The following PIK3R3 variants were observed in gnomAD, a reference collection of about 807,000 sequenced individuals.
PIK3R3 encodes phosphoinositide-3-kinase regulatory subunit 3.
Under a neutral mutation model 62.9 loss-of-function variants are expected in PIK3R3, and 64 were observed. The observed-to-expected ratio is 1.02, with a 90% confidence interval of 0.83 to 1.25. The LOEUF (loss-of-function observed/expected upper bound fraction) is 1.25. Among genes scored for constraint, PIK3R3 ranks in the 50% most tolerant of loss-of-function variants. The probability of loss-of-function intolerance (pLI) is 0.00; values close to 1 mark genes in which losing one functional copy is unlikely to be tolerated. For missense variants in PIK3R3, 614 were observed against 561.6 expected, an observed-to-expected ratio of 1.09 and a Z score of -0.94; for synonymous variants, 165 against 189.0, an observed-to-expected ratio of 0.87 and a Z score of 1.04.
At chr1:46,109,704 G>A (rs776274859) in intron 1 of PIK3R3, among the ~76,000 whole-genome samples, 4 of 151,922 alleles carry the variant, frequency 2.6e-5, no homozygotes, top group Non-Finnish European at 5.9e-5. Context: ...GGCTGGTCTC[G>A]AACTTCTGAC....
chr1:46,054,987 C>G lies in PIK3R3; in HGVS notation c.941+808G>C, dbSNP rs185373399. Among the ~76,000 whole-genome samples the G allele has an allele frequency of 6.7e-3, 1,015 of 152,276 alleles. 11 individuals are homozygous for G. The highest frequency in any genetic ancestry group is 0.024 in the African/African-American group (980 of 41,556). On this transcript the variant is annotated intron_variant, in intron 7 of 9. Transcript: ENST00000262741. ...GCACGATCTCGGCTCACTGCAACCTCTGCCTCCCAGGTTCAAGCGATTCTC... is the reference window on the plus strand; with the variant it reads ...GCACGATCTCGGCTCACTGCAACCTGTGCCTCCCAGGTTCAAGCGATTCTC...
Position 46,132,121 on chromosome 1 carries a change from CCT to C in PIK3R3, c.-171_-170del. 2.1e-6 allele frequency: 3 copies of C among 1,409,144 alleles called. No homozygotes were observed. The highest frequency in any genetic ancestry group is 2.7e-5 in the East Asian group (1 of 37,282). 87.3% of individuals were successfully genotyped at this position (1,409,144 alleles called of 1,614,324 possible). A position where few individuals can be genotyped will look rare whatever the true frequency, so the allele number is the denominator to read the frequency against. On this transcript the variant is annotated 5_prime_UTR_variant, in exon 1 of 10. Transcript: ENST00000262741. ...CAAACTACCCGAACAGGGTCCTCCC[CCT>C]CTCTCCTACAGAACACAACAAAATG... is the stretch of plus-strand genomic sequence containing the variant.
At chr1:46,132,727 G>C, upstream of PIK3R3, 1 of 1,288,638 alleles carries the variant, frequency 7.8e-7, no homozygotes, top group Non-Finnish European at 1.0e-6. Context: ...ACCGCGCCGG[G>C]AGGGGGGACA....
At chr1:46,140,741 A>G in the PIK3R3 span, among the ~76,000 whole-genome samples, 3 of 152,256 alleles carry the variant, frequency 2.0e-5, no homozygotes, top group African/African-American at 7.2e-5. Context: ...TCTCCTTCAG[A>G]GCCTCAGAAG....
At chr1:46,079,805 CT>C (rs1193227926) in intron 2 of PIK3R3, among the ~76,000 whole-genome samples, 1 of 151,750 alleles carries the variant, frequency 6.6e-6, no homozygotes, top group Non-Finnish European at 1.5e-5. Flanking sequence ...AATACAAAAA[CT>C]AGCAGGGTAT....
chr1:46,091,067 T>A (rs944241714), intron 1 of PIK3R3, among the ~76,000 whole-genome samples: 1 of 151,978 alleles, frequency 6.6e-6, no homozygotes, highest in Admixed American at 6.6e-5. Context: ...TGGGTTCAAG[T>A]CATCTTCTCG....
chr1:46,111,428 G>C (rs922198607), intron 1 of PIK3R3, among the ~76,000 whole-genome samples: 2 of 151,930 alleles, frequency 1.3e-5, no homozygotes, highest in African/African-American at 4.8e-5. Flanking sequence ...AATATAATTA[G>C]AAAAGGGCAT....
chr1:46,143,051 A>T, the PIK3R3 span, among the ~76,000 whole-genome samples: 1 of 152,242 alleles, frequency 6.6e-6, no homozygotes, highest in African/African-American at 2.4e-5. Context: ...AGGCCACACT[A>T]AATGAGTGAT....
rs1428553653 is a variant in PIK3R3 at position 46,040,404 on chromosome 1, C to T, written c.*3269G>A. The T allele has an allele frequency of 8.7e-6, 2 of 230,606 alleles. No individual in the cohort carries two copies. The highest frequency in any genetic ancestry group is 1.2e-4 in the East Asian group (2 of 16,272). The allele number at this position is 230,606 out of a possible 1,614,324, so 14.3% of individuals were successfully genotyped here. A position where few individuals can be genotyped will look rare whatever the true frequency, so the allele number is the denominator to read the frequency against. On this transcript the variant is annotated 3_prime_UTR_variant, in exon 10 of 10. Transcript: ENST00000262741. ...GTCAGATATTTTTACGTAAACTACACGAATTTTCTTGGACACATCAAAGAC... is the reference window on the plus strand; with the variant it reads ...GTCAGATATTTTTACGTAAACTACATGAATTTTCTTGGACACATCAAAGAC...
At chr1:46,080,609 A>C (rs1410703408) in intron 2 of PIK3R3, 33 bp downstream of exon 2, 2 of 1,394,520 alleles carry the variant, frequency 1.4e-6, no homozygotes, top group African/African-American at 2.9e-5. Flanking sequence ...CTTTTTAAAA[A>C]ACTGCATTCA....
the PIK3R3 span, among the ~76,000 whole-genome samples, chr1:46,158,326 G>T: frequency 1.3e-5 from 2 of 152,128 alleles, no homozygotes; most frequent in African/African-American, 4.8e-5. Flanking sequence ...AACATACCAT[G>T]CTTGTACTCT....
chr1:46,134,180 G>C (rs985341188), upstream of PIK3R3, among the ~76,000 whole-genome samples: 3 of 152,158 alleles, frequency 2.0e-5, no homozygotes, highest in Non-Finnish European at 4.4e-5. Context: ...TTGTGTTTGA[G>C]TTGACAGCCT....
At chr1:46,084,124 C>A (rs140781601) in intron 1 of PIK3R3, among the ~76,000 whole-genome samples, 1 of 152,036 alleles carries the variant, frequency 6.6e-6, no homozygotes, top group African/African-American at 2.4e-5. Flanking sequence ...ACAACATGGA[C>A]GAATCTGAAA....
rs752061233 is a variant in PIK3R3 at position 46,062,060 on chromosome 1, CATCTGT to C, written c.627_632del (p.Ile209_Gln210del). On this transcript the variant is annotated inframe_deletion, in exon 6 of 10. Transcript: ENST00000262741. Reference sequence around the variant, plus strand: ...TAAAAGCTTCTATTGCAGTCCTCTTCATCTGTATTTCCTACAGGAGAGAAAAAGAAA... The same window carrying C: ...TAAAAGCTTCTATTGCAGTCCTCTTCATTTCCTACAGGAGAGAAAAAGAAA... 1 of 1,608,390 alleles carries C rather than the reference CATCTGT, an allele frequency of 6.2e-7. No homozygotes were observed. The highest frequency in any genetic ancestry group is 8.5e-7 in the Non-Finnish European group (1 of 1,177,926).
At chr1:46,117,888 G>A (rs1654324844) in intron 1 of PIK3R3, among the ~76,000 whole-genome samples, 1 of 152,200 alleles carries the variant, frequency 6.6e-6, no homozygotes, top group African/African-American at 2.4e-5. Context: ...GGACAACACA[G>A]CAAGATCGTG....
intron 1 of PIK3R3, among the ~76,000 whole-genome samples, chr1:46,102,166 T>C (rs1652755536): frequency 6.6e-6 from 1 of 151,862 alleles, no homozygotes; most frequent in South Asian, 2.1e-4. Context: ...TTTGTATTTT[T>C]AGTAGAGACG....
intron 1 of PIK3R3, among the ~76,000 whole-genome samples, chr1:46,126,621 C>G (rs1655116475): frequency 1.3e-5 from 2 of 149,898 alleles, no homozygotes; most frequent in Non-Finnish European, 3.0e-5. Flanking sequence ...ACTCTTTTTG[C>G]TTTTAGAAAA....
the PIK3R3 span, among the ~76,000 whole-genome samples, chr1:46,165,760 T>A: frequency 1.5e-4 from 6 of 39,708 alleles, no homozygotes; most frequent in Non-Finnish European, 2.7e-4. Flanking sequence ...CCTTTTTTTT[T>A]TTTTTTTTTT....
In PIK3R3 at chr1:46,066,141, A is replaced by G. The variant is rs777077125; in HGVS notation, c.534T>C (p.Gly178=). 5.0e-6 allele frequency: 8 copies of G among 1,588,400 alleles called. No individual in the cohort carries two copies. The highest frequency in any genetic ancestry group is 6.9e-6 in the Non-Finnish European group (8 of 1,157,204). The part of the protein sequence containing the change: ...LVKEDNIDAV[G]KKLQEYHSQY... ...GAGAGTGGTATTCTTGCAGTTTTTTACCTACTGCATCAATATTATCTTCTT... is the reference window on the plus strand; with the variant it reads ...GAGAGTGGTATTCTTGCAGTTTTTTGCCTACTGCATCAATATTATCTTCTT... The change falls in exon 5 of 10, where the codon GGT becomes GGC. Residue 178 remains glycine, a synonymous_variant. Coordinates refer to ENST00000262741, the MANE Select transcript of PIK3R3 (RefSeq NM_003629.4).
Sources: allele counts gnomAD v4.1 joint callset (sites outside exome capture counted in the v4.1 genomes callset), GRCh38; gene constraint gnomAD v4.1.1; transcripts MANE v1.5; gene names NCBI Gene and HGNC (gene_info 2026-07-23, HGNC 2026-07-21).